FGF13: variants seen among roughly 807,000 people sequenced by gnomAD.
FGF13 encodes the protein fibroblast growth factor homologous factor 2.
A neutral mutation model predicts 19.5 loss-of-function variants in FGF13; 2 were observed. That is an observed-to-expected ratio of 0.10 (90% CI 0.04 to 0.32). The LOEUF is 0.32. FGF13 is among the 10% of genes least tolerant of loss of function. FGF13 has a pLI of 1.00. For missense variants in FGF13, 113 were observed against 192.7 expected, an observed-to-expected ratio of 0.59 and a Z score of 2.45; for synonymous variants, 72 against 76.9, an observed-to-expected ratio of 0.94 and a Z score of 0.33.
intron 1 of FGF13, among the ~76,000 whole-genome samples, chrX:138,980,691 T>C (rs1603093010): frequency 2.9e-5 from 2 of 68,464 alleles, no homozygotes; most frequent in Non-Finnish European, 6.2e-5. Flanking sequence ...TTTTTTTTTT[T>C]TTTTTTGCAT....
chrX:138,735,945 G>A (rs2090271295), intron 1 of FGF13, among the ~76,000 whole-genome samples: 2 of 112,250 alleles, frequency 1.8e-5, no homozygotes, highest in South Asian at 7.4e-4. Flanking sequence ...TGGATTTCAC[G>A]TGGGATTTGA....
upstream of FGF13, among the ~76,000 whole-genome samples, chrX:138,715,513 G>T (rs1208528912): frequency 8.9e-6 from 1 of 112,014 alleles, no homozygotes; most frequent in Non-Finnish European, 1.9e-5. Flanking sequence ...TTATATAGTG[G>T]AGCTCATTGT....
chrX:138,915,868 A>ATGG (rs2091615356), intron 1 of FGF13, among the ~76,000 whole-genome samples: 1 of 112,374 alleles, frequency 8.9e-6, no homozygotes, highest in Non-Finnish European at 1.9e-5. Context: ...TATTGAACAA[A>ATGG]TGGTAGGTAA....
chrX:138,984,589 A>AGAAGAAGAAGAAGAAGAAGAAGAAGAG (rs1569436186), intron 1 of FGF13, among the ~76,000 whole-genome samples: 1 of 17,031 alleles, frequency 5.9e-5, no homozygotes, highest in African/African-American at 2.0e-4. Flanking sequence ...AAGAAGAAGA[A>AGAAGAAGAAGAAGAAGAAGAAGAAGAG]GGAGGAGGAG....
chrX:138,632,860 T>G lies in FGF13; in HGVS notation c.728A>C (p.Glu243Ala). ...TTTTGCCCTCACTGGCTACGTTGAT[T>G]CATTGTGGCTCATGGATTTGCCTCC... ...LNGGKSMSHNEST is the reference protein window; with the variant it reads ...LNGGKSMSHNAST Residue 243 changes from glutamate (E) to alanine (A), a missense_variant, in exon 5 of 5, where the codon GAA (glutamate) becomes GCA (alanine). Around this residue, in one of 4 missense-constraint regions of FGF13, gnomAD observed 43 missense variants for 41.4 expected, o/e 1.04. Coordinates refer to ENST00000315930, the MANE Select transcript of FGF13 (RefSeq NM_004114.5). 8.3e-7 allele frequency: 1 copy of G among 1,208,364 alleles called. No individual in the cohort carries two copies. The highest frequency in any genetic ancestry group is 1.1e-6 in the Non-Finnish European group (1 of 893,532).
chrX:138,807,463 C>T (rs1049046130), intron 3 of FGF13, among the ~76,000 whole-genome samples: 1 of 111,679 alleles, frequency 9.0e-6, no homozygotes, highest in African/African-American at 3.3e-5. Flanking sequence ...TGGAAAGGAA[C>T]AACTGGTACC....
chrX:139,054,861 A>AGTGTTGTGTT (rs57605613), intron 1 of FGF13, among the ~76,000 whole-genome samples: 12,459 of 81,705 alleles, frequency 0.15, 1,012 homozygotes, highest in South Asian at 0.3. Flanking sequence ...TATATTCCTA[A>AGTGTTGTGTT]GTGTTGTGTT....
chrX:138,823,204 A>C (rs756042362), intron 3 of FGF13, among the ~76,000 whole-genome samples: 1 of 111,295 alleles, frequency 9.0e-6, no homozygotes, highest in African/African-American at 3.3e-5. Context: ...TAATATATTA[A>C]ACACTGTGAA....
At chrX:138,985,205 C>T (rs1411705315) in intron 1 of FGF13, 2 of 259,900 alleles carry the variant, frequency 7.7e-6, no homozygotes, top group African/African-American at 2.8e-5. Flanking sequence ...CTAAATGTTT[C>T]GCAGATTTAC....
intron 1 of FGF13, among the ~76,000 whole-genome samples, chrX:138,900,893 C>T (rs1472188451): frequency 9.0e-6 from 1 of 111,602 alleles, no homozygotes; most frequent in African/African-American, 3.3e-5. Flanking sequence ...ATTCCTCTGC[C>T]CTTGGCCTGG....
chrX:138,955,583 G>A (rs2091837063), intron 1 of FGF13, among the ~76,000 whole-genome samples: 1 of 112,100 alleles, frequency 8.9e-6, no homozygotes, highest in African/African-American at 3.2e-5. Context: ...TCAAATTCAT[G>A]TCCGACAGGA....
intron 3 of FGF13, among the ~76,000 whole-genome samples, chrX:138,701,697 T>G (rs1008199625): frequency 1.8e-5 from 2 of 112,305 alleles, no homozygotes; most frequent in African/African-American, 6.5e-5. Context: ...CCTTACTCTA[T>G]TCCCACCTCT....
chrX:138,875,168 GTTGC>G (rs2091380854), intron 1 of FGF13, among the ~76,000 whole-genome samples: 1 of 105,468 alleles, frequency 9.5e-6, no homozygotes, highest in Non-Finnish European at 1.9e-5. Context: ...GGAGGCGAAG[GTTGC>G]AGTGAGCCAA....
At chrX:139,059,131 C>G (rs1042047013) in intron 1 of FGF13, among the ~76,000 whole-genome samples, 4 of 110,983 alleles carry the variant, frequency 3.6e-5, no homozygotes, top group African/African-American at 1.3e-4. Flanking sequence ...AAGTGACGTT[C>G]TAATCTTTAA....
intron 3 of FGF13, among the ~76,000 whole-genome samples, chrX:138,815,563 T>C (rs910651471): frequency 2.7e-5 from 3 of 109,787 alleles, no homozygotes; most frequent in African/African-American, 6.6e-5. Context: ...AGTTCAGAAA[T>C]AGACATAAGA....
At chrX:138,695,049 G>T (rs1158277439) in intron 3 of FGF13, among the ~76,000 whole-genome samples, 1 of 104,903 alleles carries the variant, frequency 9.5e-6, no homozygotes, top group Non-Finnish European at 2.0e-5. Context: ...AGAAAACCAA[G>T]AGTTATACAG....
chrX:138,832,456 C>T (rs935936311), intron 3 of FGF13, among the ~76,000 whole-genome samples: 1 of 111,521 alleles, frequency 9.0e-6, no homozygotes, highest in Non-Finnish European at 1.9e-5. Flanking sequence ...ACATGTATGT[C>T]TTCTTTGGAA....
chrX:139,023,049 T>C (rs1281526792), intron 1 of FGF13, among the ~76,000 whole-genome samples: 1 of 111,002 alleles, frequency 9.0e-6, no homozygotes, highest in African/African-American at 3.3e-5. Flanking sequence ...TACAAGAAAA[T>C]TGTTCTGGAA....
rs1037027043 is a variant in FGF13, at chrX:138,629,159, C to T, written c.*3691G>A. The T allele has an allele frequency of 1.8e-5, 2 of 111,657 alleles. No individual in the cohort carries two copies. Among genetic ancestry groups the T allele is most frequent in the African/African-American group, 3.3e-5 (1 of 30,711 alleles). 9.2% of individuals were successfully genotyped at this position (111,657 alleles called of 1,213,427 possible). ...AACAAAAGAAGCATATAAAACACCA[C>T]AGGTGATTCAGGTACACATAAAAAG... On this transcript the variant is annotated 3_prime_UTR_variant, in exon 5 of 5. Coordinates refer to ENST00000315930, the MANE Select transcript of FGF13 (RefSeq NM_004114.5).
Sources: gnomAD v4.1 joint callset for allele counts (sites outside exome capture counted in the v4.1 genomes callset) on GRCh38, gnomAD v4.1.1 for gene constraint, gnomAD v4.1.1 regional missense constraint, MANE v1.5 for transcripts, NCBI Gene and HGNC (gene_info 2026-07-23, HGNC 2026-07-21) for gene names.